OTOG: variants seen among roughly 807,000 people sequenced by gnomAD.
OTOG encodes otogelin.
OTOG carries 296 observed loss-of-function variants against 313.8 expected under a neutral mutation model. The ratio of observed to expected loss-of-function variants is 0.94; its 90% CI spans 0.86 to 1.04. The LOEUF is 1.04. Among genes scored for constraint, OTOG ranks in the 50% least tolerant of loss-of-function variants. OTOG has a pLI of 0.00. For missense variants in OTOG, 3,948 were observed against 3,840.1 expected (o/e 1.03, Z -0.74); for synonymous variants, 1,533 against 1,554.9 (o/e 0.99, Z 0.33).
Position 17,578,218 on chromosome 11 carries a change from G to A in OTOG, c.2606-155G>A, listed in dbSNP as rs1043099947. On this transcript the variant is annotated intron_variant, in intron 22 of 55. Transcript: ENST00000399397. ...CACACATCTACCCCTCCCTCTGTGA[G>A]GCGTATCTGGGAAACCAAGCAATGC... 5.1e-6 allele frequency: 7 copies of A among 1,385,450 alleles called. No individual in the cohort carries two copies. In the African/African-American group the frequency reaches 1.0e-4, roughly 20 times the overall value. 85.8% of individuals were successfully genotyped at this position (1,385,450 alleles called of 1,614,324 possible). A position where few individuals can be genotyped will look rare whatever the true frequency, so the allele number is the denominator to read the frequency against.
chr11:17,547,695 C>G, intron 1 of OTOG: 1 of 751,126 alleles, frequency 1.3e-6, no homozygotes, highest in African/African-American at 1.8e-5. Context: ...GGAAGAGACC[C>G]GAGGTGGGGA....
At position 17,631,774 on chromosome 11, in the gene OTOG, C is replaced by T; in HGVS notation, c.6785C>T (p.Pro2262Leu). The change falls in exon 41 of 56, where the codon CCT becomes CTT. Residue 2262 changes from proline to leucine, a missense_variant. Coordinates refer to ENST00000399397, the MANE Select transcript of OTOG (RefSeq NM_001292063.2). ...DGSVVGGAED[P>L]APFLDSWQVP... The stretch of plus-strand genomic sequence containing the variant: ...TCAGTGGTGGGTGGGGCTGAGGACC[C>T]TGCTCCCTTTCTGGACAGCTGGCAG... The T allele has an allele frequency of 1.3e-6, 2 of 1,550,606 alleles. No individual in the cohort carries two copies. The highest frequency in any genetic ancestry group is 1.7e-6 in the Non-Finnish European group (2 of 1,146,996).
intron 51 of OTOG, 143 bp from the exon 52 acceptor site, chr11:17,641,704 C>T (rs1847973623): frequency 1.6e-6 from 1 of 607,126 alleles, no homozygotes. Flanking sequence ...CTGCCTGTGA[C>T]AGAAGGAGGC....
chr11:17,587,237 G>A (rs1852816318), intron 24 of OTOG, among the ~76,000 whole-genome samples: 1 of 152,216 alleles, frequency 6.6e-6, no homozygotes, highest in African/African-American at 2.4e-5. Context: ...GTGGGAGTGT[G>A]TGCCCCTGGA....
intron 55 of OTOG, 34 bp from the exon 56 acceptor site, chr11:17,645,710 A>G (rs1848061913): frequency 6.4e-7 from 1 of 1,550,730 alleles, no homozygotes; most frequent in Non-Finnish European, 8.7e-7. Context: ...GGGTGTGAGC[A>G]CCACAGACTG....
chr11:17,629,368 G>T (rs1286926182), intron 40 of OTOG, 52 bp downstream of exon 40: 4 of 1,489,246 alleles, frequency 2.7e-6, no homozygotes, highest in Middle Eastern at 2.2e-4. Flanking sequence ...GTCCACCTCT[G>T]CCCCCACACA....
intron 17 of OTOG, 185 bp downstream of exon 17, chr11:17,570,575 C>T (rs72870369): frequency 3.3e-6 from 2 of 604,870 alleles, no homozygotes; most frequent in Non-Finnish European, 5.6e-6. Context: ...TCACAGTCCT[C>T]TATGTGTGGA....
At chr11:17,588,968 C>T (rs1157481634) in intron 24 of OTOG, among the ~76,000 whole-genome samples, 4 of 152,166 alleles carry the variant, frequency 2.6e-5, no homozygotes, top group Non-Finnish European at 5.9e-5. Context: ...CTGCCTCTCA[C>T]CCCCTCGATG....
At chr11:17,553,955 C>T (rs1020306518) in intron 6 of OTOG, among the ~76,000 whole-genome samples, 1 of 152,172 alleles carries the variant, frequency 6.6e-6, no homozygotes, top group Non-Finnish European at 1.5e-5. Flanking sequence ...AAAACCTAAT[C>T]CTGTTTATTC....
chr11:17,582,601 A>G (rs2134043344), intron 23 of OTOG, among the ~76,000 whole-genome samples: 1 of 152,306 alleles, frequency 6.6e-6, no homozygotes, highest in African/African-American at 2.4e-5. Context: ...TGAGAATCTG[A>G]CTGTTCCACA....
Position 17,547,380 on chromosome 11 carries a change from T to C in OTOG, c.8T>C (p.Val3Ala). 1 of 1,400,102 alleles carries C rather than the reference T, an allele frequency of 7.1e-7. No homozygotes were observed. The highest frequency in any genetic ancestry group is 9.2e-7 in the Non-Finnish European group (1 of 1,082,988). The allele number at this position is 1,400,102 out of a possible 1,614,324, so 86.7% of individuals were successfully genotyped here. A position where few individuals can be genotyped will look rare whatever the true frequency, so the allele number is the denominator to read the frequency against. The change falls in exon 1 of 56, where the codon GTC becomes GCC. Residue 3 changes from valine to alanine, a missense_variant. Val to Ala is a moderately conservative substitution (Grantham distance 64). Transcript: ENST00000399397. Reference sequence around the variant, plus strand: ...CGGTCCCCTCGTGTCCCTATGGGAGTCCTGGCGTCTGCGCTCTGCTGGCTG... The same window carrying C: ...CGGTCCCCTCGTGTCCCTATGGGAGCCCTGGCGTCTGCGCTCTGCTGGCTG... MG[V>A]LASALCWLLC...
At chr11:17,613,210 T>TCTTTCTTC (rs1853622929) in intron 38 of OTOG, among the ~76,000 whole-genome samples, 1 of 117,874 alleles carries the variant, frequency 8.5e-6, no homozygotes, top group Non-Finnish European at 1.7e-5. Flanking sequence ...TTTCTTTCTT[T>TCTTTCTTC]CTTTCTTTCT....
rs140592748 is a variant in OTOG, at chr11:17,627,413, T to C, written c.6529-1720T>C. Among the ~76,000 whole-genome samples the C allele has an allele frequency of 2.4e-3, 367 of 152,350 alleles. 1 individual carries two copies. The highest frequency in any genetic ancestry group is 8.4e-3 in the African/African-American group (351 of 41,602). On this transcript the variant is annotated intron_variant, in intron 39 of 55. Transcript: ENST00000399397. The stretch of plus-strand genomic sequence containing the variant: ...TTTGTCCTTTATTCTGTTGATATGA[T>C]GTATCACTTTGATTTGCGTATGTTG...
intron 4 of OTOG, among the ~76,000 whole-genome samples, 198 bp downstream of exon 4, chr11:17,552,273 T>C (rs1851953255): frequency 1.3e-5 from 2 of 152,158 alleles, no homozygotes; most frequent in South Asian, 4.1e-4. Context: ...GAGCTTCCTC[T>C]CTAGAGTCCT....
chr11:17,612,112 G>T, intron 36 of OTOG, 50 bp from the exon 37 acceptor site: 1 of 1,540,530 alleles, frequency 6.5e-7, no homozygotes. Flanking sequence ...CTTGCAGGGT[G>T]GGCTGTAGCT....
chr11:17,553,374 C>G lies in OTOG; in HGVS notation c.395C>G (p.Ala132Gly). Residue 132 changes from alanine (A) to glycine (G), a missense_variant, in exon 6 of 56, where the codon GCC (alanine) becomes GGC (glycine). Ala to Gly is a moderately conservative substitution (Grantham distance 60). Transcript: ENST00000399397. ...TGPRCQMVYN[A>G]GPERDSICRA... ...CTTTTCTCTCCCTCAGTGTACAATG[C>G]CGGCCCTGAGAGGGACAGCATTTGC... The G allele has an allele frequency of 6.8e-7, 1 of 1,464,106 alleles. No individual in the cohort carries two copies. The highest frequency in any genetic ancestry group is 1.4e-5 in the South Asian group (1 of 69,538). The allele number at this position is 1,464,106 out of a possible 1,614,324, so 90.7% of individuals were successfully genotyped here. A position where few individuals can be genotyped will look rare whatever the true frequency, so the allele number is the denominator to read the frequency against.
rs982574431 is a variant in OTOG at position 17,552,041 on chromosome 11, A to C, written c.258A>C (p.Glu86Asp). 13 of 1,550,510 alleles carry C rather than the reference A, an allele frequency of 8.4e-6. No homozygotes were observed. Among genetic ancestry groups the C allele is most frequent in the Non-Finnish European group, 9.6e-6 (11 of 1,146,900 alleles). ...APDSVAMSSW[E>D]RRLHRAKCAP... is the part of the protein sequence containing the mutation. ...ACTCCGTGGCCATGTCTTCCTGGGA[A>C]AGGCGGCTCCATCGGGCCAAGTGTG... The change falls in exon 4 of 56, where the codon GAA (glutamate) becomes GAC (aspartate). Residue 86 changes from glutamate (E) to aspartate (D), a missense_variant. Physicochemically the swap from Glu to Asp is conservative, Grantham distance 45. Transcript: ENST00000399397.
In OTOG at chr11:17,596,019, C is replaced by T. The variant is rs762489613; in HGVS notation, c.3409-19C>T. ...ATTTGGCAAGTAGGGAGGTCAACAG[C>T]CCTGCCTTTGCCCCTCAGTGCCCAG... On this transcript the variant is annotated intron_variant, in intron 28 of 55. Coordinates refer to ENST00000399397, the MANE Select transcript of OTOG (RefSeq NM_001292063.2). 4.3e-5 allele frequency: 65 copies of T among 1,526,984 alleles called. 2 individuals are homozygous for T. The South Asian group carries it at 7.5e-4, about 18-fold the overall frequency. The allele number at this position is 1,526,984 out of a possible 1,614,324, so 94.6% of individuals were successfully genotyped here.
At position 17,572,147 on chromosome 11, in the gene OTOG, T is replaced by A; in HGVS notation, c.2023T>A (p.Cys675Ser). 6.4e-7 allele frequency: 1 copy of A among 1,550,430 alleles called. No homozygotes were observed. The change falls in exon 18 of 56, where the codon TGC (cysteine) becomes AGC (serine). Residue 675 changes from cysteine to serine, a missense_variant. Coordinates refer to ENST00000399397, the MANE Select transcript of OTOG (RefSeq NM_001292063.2). ...CAATTCCTGGAAAACACTTTCTGCTTGCTCCCCGCTGGTCTCTGGCTCCCC... is the reference window on the plus strand; with the variant it reads ...CAATTCCTGGAAAACACTTTCTGCTAGCTCCCCGCTGGTCTCTGGCTCCCC... Reference protein sequence around the residue: ...FGNSWKTLSACSPLVSGSPLD... With the variant: ...FGNSWKTLSASSPLVSGSPLD...
Sources: allele counts gnomAD v4.1 joint callset (sites outside exome capture counted in the v4.1 genomes callset), GRCh38; gene constraint gnomAD v4.1.1; transcripts MANE v1.5; gene names NCBI Gene and HGNC (gene_info 2026-07-23, HGNC 2026-07-21).